Variants in ERC2 observed in about 807,000 individuals in gnomAD.
The protein encoded by ERC2 is ELKS/RAB6-interacting/CAST family member 2, also known as ERC protein 2.
In ERC2, 42 loss-of-function variants were observed where a neutral mutation model predicts 114.8. The observed-to-expected ratio is 0.37, with a 90% confidence interval of 0.29 to 0.47. The LOEUF (loss-of-function observed/expected upper bound fraction) is 0.47, where lower values mean the gene tolerates loss of function less well. ERC2 is among the 20% of genes least tolerant of loss of function. ERC2 has a pLI of 0.99. For synonymous variants in ERC2, 454 were observed against 425.5 expected (o/e 1.07, Z -0.82); for missense variants, 939 against 1,150.7 (o/e 0.82, Z 2.66).
chr3:55,585,421 C>A (rs571344321), intron 17 of ERC2, among the ~76,000 whole-genome samples: 2 of 152,242 alleles, frequency 1.3e-5, no homozygotes, highest in Middle Eastern at 3.4e-3. Context: ...AATGTTCCCC[C>A]CAATAAGCAA....
chr3:56,014,304 G>A (rs983981366), intron 8 of ERC2, among the ~76,000 whole-genome samples: 6 of 152,030 alleles, frequency 3.9e-5, no homozygotes, highest in Non-Finnish European at 7.4e-5. Flanking sequence ...CCTCATTTTT[G>A]TTCCCTCCCT....
At chr3:56,045,643 T>C (rs923893081) in intron 7 of ERC2, among the ~76,000 whole-genome samples, 22 of 152,174 alleles carry the variant, frequency 1.4e-4, no homozygotes, top group African/African-American at 5.3e-4. Context: ...ATATCAAATA[T>C]TTTGGAAACT....
chr3:56,327,465 T>A (rs561488232), intron 2 of ERC2, among the ~76,000 whole-genome samples: 2 of 152,186 alleles, frequency 1.3e-5, no homozygotes, highest in Non-Finnish European at 2.9e-5. Flanking sequence ...CAAAGTGGTA[T>A]GGACACAAAG....
intron 7 of ERC2, among the ~76,000 whole-genome samples, chr3:56,065,250 G>T (rs568321904): frequency 4.6e-5 from 7 of 151,986 alleles, no homozygotes; most frequent in African/African-American, 1.7e-4. Context: ...ATGAGACAGG[G>T]TCTCGCTCTG....
At chr3:56,278,724 T>A (rs2054166326) in intron 3 of ERC2, among the ~76,000 whole-genome samples, 1 of 152,186 alleles carries the variant, frequency 6.6e-6, no homozygotes, top group African/African-American at 2.4e-5. Flanking sequence ...TCATGCTGCT[T>A]CCACTCCTGG....
chr3:56,432,534 A>C (rs960624022), intron 2 of ERC2, among the ~76,000 whole-genome samples: 1 of 152,222 alleles, frequency 6.6e-6, no homozygotes, highest in Non-Finnish European at 1.5e-5. Flanking sequence ...CAACTACAAA[A>C]TCACATTTCT....
intron 17 of ERC2, among the ~76,000 whole-genome samples, chr3:55,583,523 CCCTTCCTTCCTTCCTTCCTTTCTTCCTT>C (rs1413203352): frequency 4.3e-4 from 16 of 36,912 alleles, no homozygotes; most frequent in Non-Finnish European, 6.0e-4. Context: ...CTCCCTCCCT[CCCTTCCTTCCTTCCTTCCTTTCTTCCTT>C]CCTTCCTTCC....
chr3:56,209,082 A>C (rs1292624553), intron 3 of ERC2, among the ~76,000 whole-genome samples: 2 of 152,176 alleles, frequency 1.3e-5, no homozygotes, highest in East Asian at 1.9e-4. Flanking sequence ...CAATGGATCA[A>C]GTCCAAGCAT....
At chr3:55,724,226 C>T (rs1559553233) in intron 15 of ERC2, among the ~76,000 whole-genome samples, 1 of 152,124 alleles carries the variant, frequency 6.6e-6, no homozygotes, top group East Asian at 1.9e-4. Flanking sequence ...TCTGGTGATG[C>T]AGGAAGAGAT....
rs573384930 is a variant in ERC2 at position 56,441,633 on chromosome 3, G to A, written c.-140-6486C>T. On this transcript the variant is annotated intron_variant, in intron 1 of 17. Transcript: ENST00000288221. ...CTTTTTGTTGTTGTTGAGACAGACT[G>A]TTGCTCTGTCTCCCAGACTGGAGTG... 3.3e-5 allele frequency among the ~76,000 whole-genome samples: 5 copies of A among 152,266 alleles called. 1 individual carries two copies. Among genetic ancestry groups the A allele is most frequent in the African/African-American group, 1.2e-4 (5 of 41,566 alleles).
chr3:55,881,081 A>G (rs1466972138), intron 14 of ERC2, among the ~76,000 whole-genome samples: 1 of 152,226 alleles, frequency 6.6e-6, no homozygotes, highest in African/African-American at 2.4e-5. Context: ...ATTGCTAGGC[A>G]CTTAGGATTC....
At chr3:55,583,342 TCTGCCTGCCTGC>T (rs560504811) in intron 17 of ERC2, among the ~76,000 whole-genome samples, 42 of 149,050 alleles carry the variant, frequency 2.8e-4, no homozygotes, top group African/African-American at 6.8e-4. Context: ...TGCCTGCCTG[TCTGCCTGCCTGC>T]CTGCCTGCCT....
At chr3:55,747,052 C>T (rs1214067836) in intron 14 of ERC2, among the ~76,000 whole-genome samples, 4 of 152,090 alleles carry the variant, frequency 2.6e-5, no homozygotes, top group Admixed American at 6.6e-5. Flanking sequence ...TCTGTAGTTA[C>T]ATCTCTAATA....
chr3:56,404,589 C>T (rs6790637), intron 2 of ERC2, among the ~76,000 whole-genome samples: 60,964 of 151,866 alleles, frequency 0.4, 12,732 homozygotes, highest in Admixed American at 0.52. Context: ...GATTGTAACA[C>T]AAAGGATAAA....
At chr3:56,033,649 G>A (rs769382261) in intron 7 of ERC2, among the ~76,000 whole-genome samples, 9 of 152,168 alleles carry the variant, frequency 5.9e-5, no homozygotes, top group Non-Finnish European at 1.2e-4. Flanking sequence ...GCCAAGTATA[G>A]TATTCTTGGT....
chr3:55,846,976 C>T (rs1281551161), intron 14 of ERC2, among the ~76,000 whole-genome samples: 1 of 152,084 alleles, frequency 6.6e-6, no homozygotes, highest in Non-Finnish European at 1.5e-5. Context: ...TCTTCTTAGG[C>T]CTGACCTGGA....
chr3:55,900,230 T>C (rs1035461289), intron 13 of ERC2, among the ~76,000 whole-genome samples: 1 of 152,246 alleles, frequency 6.6e-6, no homozygotes, highest in Non-Finnish European at 1.5e-5. Flanking sequence ...TCTAATAAAG[T>C]TCCTATGGGT....
chr3:56,451,186 G>A (rs562049517), intron 1 of ERC2, among the ~76,000 whole-genome samples: 11 of 152,246 alleles, frequency 7.2e-5, no homozygotes, highest in Non-Finnish European at 1.5e-4. Flanking sequence ...ACTAACAGAC[G>A]TTTCTGAGAA....
rs1445132547 is a variant in ERC2 at position 55,699,495 on chromosome 3, C to T, written c.2730G>A (p.Lys910=). The change falls in exon 16 of 18, where the codon AAG becomes AAA. Residue 910 remains lysine, a synonymous_variant. Coordinates refer to ENST00000288221, the MANE Select transcript of ERC2 (RefSeq NM_015576.3). ...QLKQQTQNRM[K]LMADNYDDDH... Reference sequence around the variant, plus strand: ...CATCATCATAGTTGTCTGCCATCAACTTCATTCTGTTCTGGGTCTGTGCAG... The same window carrying T: ...CATCATCATAGTTGTCTGCCATCAATTTCATTCTGTTCTGGGTCTGTGCAG... 6.2e-7 allele frequency: 1 copy of T among 1,612,646 alleles called. No individual in the cohort carries two copies. Among genetic ancestry groups the T allele is most frequent in the Non-Finnish European group, 8.5e-7 (1 of 1,179,048 alleles).
Sources: gnomAD v4.1 joint callset for allele counts (sites outside exome capture counted in the v4.1 genomes callset) on GRCh38, gnomAD v4.1.1 for gene constraint, MANE v1.5 for transcripts, NCBI Gene and HGNC (gene_info 2026-07-23, HGNC 2026-07-21) for gene names.